The following ZBTB7C variants were observed in gnomAD, a reference collection of about 807,000 sequenced individuals.
ZBTB7C encodes zinc finger and BTB domain containing 7C, also known as zinc finger and BTB domain-containing protein 7C.
A neutral mutation model predicts 25.7 loss-of-function variants in ZBTB7C; 8 were observed. The observed-to-expected ratio is 0.31, with a 90% CI of 0.18 to 0.56. ZBTB7C has a LOEUF of 0.56. ZBTB7C is among the 20% of genes least tolerant of loss of function. The pLI is 0.91. For missense variants in ZBTB7C, 824 were observed against 855.2 expected (o/e 0.96, Z 0.46); for synonymous variants, 394 against 369.0 (o/e 1.07, Z -0.78).
chr18:48,349,476 T>C (rs2046814966), intron 1 of ZBTB7C, among the ~76,000 whole-genome samples: 1 of 145,634 alleles, frequency 6.9e-6, no homozygotes, highest in Admixed American at 6.8e-5. Flanking sequence ...CATTGACAAA[T>C]GAATAAAGCA....
At position 48,392,949 on chromosome 18, in the gene ZBTB7C, C is replaced by T. The variant is rs142627445; in HGVS notation, c.-304+16277G>A. Reference sequence around the variant, plus strand: ...CCAGTGAGTGTCCCTAGACCTCTTACTTCAGCTCCAGGGACAGTATTTGGT... The same window carrying T: ...CCAGTGAGTGTCCCTAGACCTCTTATTTCAGCTCCAGGGACAGTATTTGGT... On this transcript the variant is annotated intron_variant, in intron 1 of 4. Transcript: ENST00000590800. 4.9e-4 allele frequency among the ~76,000 whole-genome samples: 74 copies of T among 152,270 alleles called. 1 individual carries two copies. The East Asian group carries it at 0.014, about 28-fold the overall frequency.
At chr18:48,127,782 G>C (rs923916589) in intron 3 of ZBTB7C, among the ~76,000 whole-genome samples, 4 of 152,236 alleles carry the variant, frequency 2.6e-5, no homozygotes, top group African/African-American at 9.6e-5. Flanking sequence ...GTTGGAGCCA[G>C]GTTCACTCAG....
intron 3 of ZBTB7C, chr18:48,072,573 T>G (rs1035899592): frequency 6.6e-6 from 1 of 152,084 alleles, no homozygotes; most frequent in Non-Finnish European, 1.5e-5. Flanking sequence ...CTTCACAGTG[T>G]CTCCCCGGGG....
At chr18:48,359,602 C>T (rs544252911) in intron 1 of ZBTB7C, among the ~76,000 whole-genome samples, 1 of 152,316 alleles carries the variant, frequency 6.6e-6, no homozygotes, top group African/African-American at 2.4e-5. Context: ...CCAGAGAAGG[C>T]CTGCCCTGCA....
chr18:48,223,772 C>T (rs999282133), intron 2 of ZBTB7C, among the ~76,000 whole-genome samples: 1 of 152,234 alleles, frequency 6.6e-6, no homozygotes, highest in Admixed American at 6.5e-5. Flanking sequence ...GCCAGCCCAT[C>T]CAAACAAGCA....
chr18:48,392,615 C>A (rs536908247), intron 1 of ZBTB7C, among the ~76,000 whole-genome samples: 2 of 152,206 alleles, frequency 1.3e-5, no homozygotes, highest in African/African-American at 4.8e-5. Context: ...TTTCAGAACT[C>A]TTCTAGCAGT....
intron 3 of ZBTB7C, among the ~76,000 whole-genome samples, chr18:48,093,290 G>A (rs1043431230): frequency 2.6e-5 from 4 of 152,114 alleles, no homozygotes; most frequent in Non-Finnish European, 4.4e-5. Context: ...CCTCAAGCTC[G>A]CTCTAGCCCT....
At chr18:48,264,323 C>A (rs1270109328) in intron 2 of ZBTB7C, among the ~76,000 whole-genome samples, 1 of 152,160 alleles carries the variant, frequency 6.6e-6, no homozygotes, top group Non-Finnish European at 1.5e-5. Context: ...CCTTTATGAG[C>A]ACAACTGGGA....
intron 3 of ZBTB7C, among the ~76,000 whole-genome samples, chr18:48,183,276 G>C (rs1316174926): frequency 1.3e-5 from 2 of 152,144 alleles, no homozygotes; most frequent in East Asian, 3.9e-4. Context: ...CAAAATTTTG[G>C]AATCTAAACC....
At chr18:48,393,792 C>T (rs180933698) in intron 1 of ZBTB7C, among the ~76,000 whole-genome samples, 1 of 152,302 alleles carries the variant, frequency 6.6e-6, no homozygotes, top group East Asian at 1.9e-4. Flanking sequence ...GAGTCAGGAA[C>T]CATGCTGCTT....
intron 3 of ZBTB7C, among the ~76,000 whole-genome samples, chr18:48,171,726 G>A (rs36122258): frequency 0.034 from 5,156 of 152,334 alleles, 100 homozygotes; most frequent in Non-Finnish European, 0.038. Flanking sequence ...TGTGAATGAA[G>A]CAACAGGTGC....
intron 1 of ZBTB7C, among the ~76,000 whole-genome samples, chr18:48,395,487 G>C (rs921732335): frequency 2.0e-5 from 3 of 149,414 alleles, no homozygotes; most frequent in African/African-American, 7.4e-5. Context: ...GTGTGTGTGT[G>C]TGTGTGTCAG....
At chr18:48,145,120 G>A (rs1240952672) in intron 3 of ZBTB7C, among the ~76,000 whole-genome samples, 4 of 152,044 alleles carry the variant, frequency 2.6e-5, no homozygotes, top group East Asian at 3.9e-4. Context: ...AGTTAATAAC[G>A]TGGGAACTTC....
At chr18:48,150,195 G>T (rs141050148) in intron 3 of ZBTB7C, among the ~76,000 whole-genome samples, 2 of 152,138 alleles carry the variant, frequency 1.3e-5, no homozygotes, top group Non-Finnish European at 2.9e-5. Context: ...TCAGAGCCAG[G>T]ATCTGAACTC....
chr18:48,398,645 A>G (rs2048084910), intron 1 of ZBTB7C, among the ~76,000 whole-genome samples: 1 of 152,010 alleles, frequency 6.6e-6, no homozygotes, highest in South Asian at 2.1e-4. Context: ...TTCTCCCATC[A>G]AAGTCACTGG....
At chr18:48,396,771 C>T (rs2048036435) in intron 1 of ZBTB7C, among the ~76,000 whole-genome samples, 1 of 152,214 alleles carries the variant, frequency 6.6e-6, no homozygotes, top group African/African-American at 2.4e-5. Context: ...CCACATCACA[C>T]AGAGTGAATA....
chr18:48,049,331 G>A (rs1466086287), intron 3 of ZBTB7C, among the ~76,000 whole-genome samples: 2 of 152,120 alleles, frequency 1.3e-5, no homozygotes, highest in African/African-American at 4.8e-5. Context: ...CATGGATCTC[G>A]CCGAGTGGTA....
At chr18:48,049,058 TA>T (rs2036584171) in intron 3 of ZBTB7C, among the ~76,000 whole-genome samples, 1 of 152,198 alleles carries the variant, frequency 6.6e-6, no homozygotes, top group Non-Finnish European at 1.5e-5. Flanking sequence ...TTGTGGGAGT[TA>T]TTTATAGCCT....
intron 2 of ZBTB7C, among the ~76,000 whole-genome samples, chr18:48,277,749 T>C (rs1221038891): frequency 6.6e-6 from 1 of 151,866 alleles, no homozygotes; most frequent in East Asian, 1.9e-4. Context: ...TTCCCTCGAG[T>C]GCTAAATTTG....
Sources: allele counts gnomAD v4.1 joint callset (sites outside exome capture counted in the v4.1 genomes callset), GRCh38; gene constraint gnomAD v4.1.1; transcripts MANE v1.5; gene names NCBI Gene and HGNC (gene_info 2026-07-23, HGNC 2026-07-21).